CSMD1: variants seen among roughly 807,000 people sequenced by gnomAD.
CSMD1 encodes CUB and sushi domain-containing protein 1.
Under a neutral mutation model 417.5 loss-of-function variants are expected in CSMD1, and 213 were observed. The ratio of observed to expected loss-of-function variants is 0.51; its 90% CI spans 0.46 to 0.57. CSMD1 has a LOEUF of 0.57. CSMD1 is among the 20% of genes least tolerant of loss of function. The pLI, the probability that CSMD1 is intolerant of heterozygous loss-of-function variation, is 0.00. For synonymous variants in CSMD1, 2,862 were observed against 1,736.8 expected, an observed-to-expected ratio of 1.65 and a Z score of -16.11; for missense variants, 6,923 against 4,529.7, an observed-to-expected ratio of 1.53 and a Z score of -15.17.
intron 3 of CSMD1, among the ~76,000 whole-genome samples, chr8:4,339,067 G>C (rs1285668950): frequency 1.3e-5 from 2 of 152,020 alleles, no homozygotes; most frequent in East Asian, 1.9e-4. Flanking sequence ...CTATTGCTTG[G>C]GTAGTAGAGG....
intron 2 of CSMD1, among the ~76,000 whole-genome samples, chr8:4,507,339 C>T (rs1802580646): frequency 6.6e-6 from 1 of 152,156 alleles, no homozygotes; most frequent in Non-Finnish European, 1.5e-5. Context: ...ATTAACGCCA[C>T]CCTAATCTGT....
chr8:4,155,212 G>C (rs1347629587), intron 3 of CSMD1, among the ~76,000 whole-genome samples: 5 of 152,162 alleles, frequency 3.3e-5, no homozygotes, highest in South Asian at 2.1e-4. Flanking sequence ...TTGTAACAGA[G>C]CCAGATGACT....
At chr8:3,698,922 C>T (rs753353632) in intron 7 of CSMD1, among the ~76,000 whole-genome samples, 15 of 152,164 alleles carry the variant, frequency 9.9e-5, no homozygotes, top group Admixed American at 6.5e-4. Context: ...GTCACAACTT[C>T]CATTCTGTGG....
chr8:2,989,824 T>C (rs1010542621), intron 54 of CSMD1, among the ~76,000 whole-genome samples: 4 of 152,234 alleles, frequency 2.6e-5, no homozygotes, highest in African/African-American at 4.8e-5. Flanking sequence ...ACAAGTTTTG[T>C]GTCCAATGCA....
At chr8:4,007,539 C>T (rs114715006) in intron 4 of CSMD1, among the ~76,000 whole-genome samples, 48 of 152,294 alleles carry the variant, frequency 3.2e-4, no homozygotes, top group African/African-American at 1.1e-3. Context: ...TAGATTGCTT[C>T]CCACCTCTCC....
chr8:4,733,853 T>C (rs1810054331), intron 1 of CSMD1, among the ~76,000 whole-genome samples: 1 of 152,136 alleles, frequency 6.6e-6, no homozygotes, highest in South Asian at 2.1e-4. Context: ...TTACAAGAAG[T>C]CAATTTATTT....
chr8:4,616,552 T>C (rs528920199), intron 2 of CSMD1, among the ~76,000 whole-genome samples: 5 of 152,302 alleles, frequency 3.3e-5, no homozygotes, highest in South Asian at 2.1e-4. Context: ...CAGCAATACA[T>C]CAGTTATAAT....
At chr8:3,775,537 G>T (rs1013686402) in intron 5 of CSMD1, among the ~76,000 whole-genome samples, 1 of 152,120 alleles carries the variant, frequency 6.6e-6, no homozygotes, top group African/African-American at 2.4e-5. Flanking sequence ...TAAAAGCAGG[G>T]AGAACTTTTA....
chr8:3,958,377 T>C (rs1231539198), intron 5 of CSMD1, among the ~76,000 whole-genome samples: 1 of 151,698 alleles, frequency 6.6e-6, no homozygotes, highest in African/African-American at 2.4e-5. Flanking sequence ...GCTGTTTCAC[T>C]CTCTAGGAAA....
intron 10 of CSMD1, among the ~76,000 whole-genome samples, chr8:3,538,926 G>C (rs1328779184): frequency 6.6e-6 from 1 of 152,168 alleles, no homozygotes; most frequent in Non-Finnish European, 1.5e-5. Context: ...ACAGCCGCCA[G>C]AGCAACGTTT....
intron 1 of CSMD1, among the ~76,000 whole-genome samples, chr8:4,866,627 A>G (rs996806954): frequency 6.6e-6 from 1 of 151,902 alleles, no homozygotes; most frequent in Admixed American, 6.6e-5. Context: ...CATAACCTCA[A>G]ATGAGATTCA....
chr8:4,440,039 A>G (rs182915884), intron 2 of CSMD1, among the ~76,000 whole-genome samples: 80 of 152,300 alleles, frequency 5.3e-4, no homozygotes, highest in African/African-American at 1.8e-3. Flanking sequence ...AGCTTAATAT[A>G]TCTAAAATAG....
At chr8:4,116,894 A>G (rs1005365384) in intron 3 of CSMD1, among the ~76,000 whole-genome samples, 1 of 152,070 alleles carries the variant, frequency 6.6e-6, no homozygotes, top group Non-Finnish European at 1.5e-5. Context: ...AGCTTTCTGA[A>G]ATCAGAAAGT....
intron 21 of CSMD1, among the ~76,000 whole-genome samples, chr8:3,351,431 T>G (rs953615264): frequency 6.6e-6 from 1 of 151,686 alleles, no homozygotes; most frequent in African/African-American, 2.4e-5. Flanking sequence ...GCCAACATGG[T>G]GAAATCCCGT....
chr8:3,442,900 G>A (rs142961938), intron 12 of CSMD1, among the ~76,000 whole-genome samples: 2 of 152,144 alleles, frequency 1.3e-5, no homozygotes, highest in Non-Finnish European at 2.9e-5. Context: ...TACTTGTGAA[G>A]TATTCCCCCA....
At chr8:4,412,696 G>A (rs887271396) in intron 3 of CSMD1, among the ~76,000 whole-genome samples, 16 of 152,140 alleles carry the variant, frequency 1.1e-4, no homozygotes, top group Non-Finnish European at 1.3e-4. Context: ...TTAAGTTCAC[G>A]TAACCAACAT....
chr8:3,595,449 A>T (rs954965830), intron 8 of CSMD1, among the ~76,000 whole-genome samples: 2 of 152,202 alleles, frequency 1.3e-5, no homozygotes, highest in Non-Finnish European at 2.9e-5. Context: ...GCCTTAAGGC[A>T]GTTTAACACC....
At chr8:3,526,451 A>G (rs1011448257) in intron 10 of CSMD1, among the ~76,000 whole-genome samples, 12 of 152,096 alleles carry the variant, frequency 7.9e-5, no homozygotes, top group Admixed American at 2.0e-4. Flanking sequence ...CACAGCAGAT[A>G]TATTACCAGA....
chr8:4,072,988 T>G (rs983734403), intron 3 of CSMD1, among the ~76,000 whole-genome samples: 1 of 152,194 alleles, frequency 6.6e-6, no homozygotes, highest in Non-Finnish European at 1.5e-5. Context: ...TGCCTTGAAT[T>G]ACACAATATA....
Sources: allele counts gnomAD v4.1 joint callset (sites outside exome capture counted in the v4.1 genomes callset), GRCh38; gene constraint gnomAD v4.1.1; transcripts MANE v1.5; gene names NCBI Gene and HGNC (gene_info 2026-07-23, HGNC 2026-07-21).